Variants in FGGY observed in about 807,000 individuals in gnomAD.
The protein encoded by FGGY is FGGY carbohydrate kinase domain containing.
FGGY carries 72 observed loss-of-function variants against 71.3 expected under a neutral mutation model. That is an observed-to-expected ratio of 1.01 (90% CI 0.84 to 1.23). FGGY has a LOEUF of 1.23. Ranked by LOEUF, FGGY falls within the 50% of genes most tolerant of loss-of-function variation. FGGY has a pLI of 0.00. For synonymous variants in FGGY, 251 were observed against 250.3 expected, an observed-to-expected ratio of 1.00 and a Z score of -0.02; for missense variants, 668 against 682.3, an observed-to-expected ratio of 0.98 and a Z score of 0.23.
intron 6 of FGGY, among the ~76,000 whole-genome samples, chr1:59,475,371 TA>T (rs975618694): frequency 5.9e-5 from 9 of 151,978 alleles, no homozygotes; most frequent in East Asian, 3.9e-4. Flanking sequence ...CACAGGCAAA[TA>T]AAAAAAATAC....
intron 5 of FGGY, among the ~76,000 whole-genome samples, chr1:59,448,411 A>G (rs2071823068): frequency 6.6e-6 from 1 of 152,112 alleles, no homozygotes; most frequent in Non-Finnish European, 1.5e-5. Flanking sequence ...GAGGTAGGCA[A>G]AACCAGGAGA....
At chr1:59,314,149 T>G (rs1195849932) in intron 1 of FGGY, among the ~76,000 whole-genome samples, 4 of 152,172 alleles carry the variant, frequency 2.6e-5, no homozygotes, top group Non-Finnish European at 5.9e-5. Context: ...GTATTTTTAG[T>G]AGAGACGGGG....
intron 10 of FGGY, among the ~76,000 whole-genome samples, chr1:59,629,679 G>C (rs1009673707): frequency 6.6e-6 from 1 of 152,006 alleles, no homozygotes; most frequent in African/African-American, 2.4e-5. Flanking sequence ...TTTCTTAAAG[G>C]GTTTAAGCAT....
In FGGY at chr1:59,497,536, C is replaced by T. The variant is rs186577984; in HGVS notation, c.671-14775C>T. 1.2e-4 allele frequency among the ~76,000 whole-genome samples: 18 copies of T among 152,262 alleles called. 1 individual carries two copies. In the East Asian group the frequency reaches 3.3e-3, roughly 28 times the overall value. ...CCAGGAGGCAGAGGTTGCAGTAAGC[C>T]GAGATCATGCCACTACACTCCAGCC... On this transcript the variant is annotated intron_variant, in intron 6 of 15. Coordinates refer to ENST00000303721, the MANE Select transcript of FGGY (RefSeq NM_018291.5).
intron 6 of FGGY, among the ~76,000 whole-genome samples, chr1:59,493,686 C>G (rs1442064863): frequency 1.3e-5 from 2 of 151,956 alleles, no homozygotes; most frequent in Non-Finnish European, 2.9e-5. Context: ...TTCAGTTTTG[C>G]AAGATGAAAA....
chr1:59,357,678 C>CCAAATCTAT (rs1317914252), intron 4 of FGGY, among the ~76,000 whole-genome samples: 1 of 152,156 alleles, frequency 6.6e-6, no homozygotes, highest in Admixed American at 6.5e-5. Flanking sequence ...AAAGCAGGGA[C>CCAAATCTAT]CAAATCTATC....
At chr1:59,612,032 C>T (rs1435429124) in intron 9 of FGGY, among the ~76,000 whole-genome samples, 1 of 152,146 alleles carries the variant, frequency 6.6e-6, no homozygotes, top group Non-Finnish European at 1.5e-5. Flanking sequence ...ATTAGTGTAC[C>T]TGAAAGTGAC....
intron 7 of FGGY, among the ~76,000 whole-genome samples, chr1:59,550,061 T>C (rs1391052484): frequency 6.6e-6 from 1 of 152,230 alleles, no homozygotes; most frequent in Non-Finnish European, 1.5e-5. Context: ...TTGGGCATTG[T>C]GCAAGTTTCA....
At chr1:59,721,484 G>A (rs762636787) in intron 14 of FGGY, among the ~76,000 whole-genome samples, 42 of 151,626 alleles carry the variant, frequency 2.8e-4, no homozygotes, top group African/African-American at 6.5e-4. Flanking sequence ...GAGTACAGGC[G>A]TGCACCACCA....
At chr1:59,454,264 C>T (rs574369004) in intron 5 of FGGY, among the ~76,000 whole-genome samples, 2 of 152,172 alleles carry the variant, frequency 1.3e-5, no homozygotes, top group Non-Finnish European at 2.9e-5. Context: ...AACAATCCTT[C>T]TATACTGCCT....
intron 13 of FGGY, among the ~76,000 whole-genome samples, chr1:59,672,659 T>A (rs996086505): frequency 6.6e-6 from 1 of 152,152 alleles, no homozygotes; most frequent in East Asian, 1.9e-4. Flanking sequence ...CTGCCCTTTT[T>A]CTCTGGGTAG....
At chr1:59,727,785 T>C (rs2097966323) in intron 14 of FGGY, among the ~76,000 whole-genome samples, 1 of 152,140 alleles carries the variant, frequency 6.6e-6, no homozygotes, top group African/African-American at 2.4e-5. Flanking sequence ...TCACAATACC[T>C]GTCTTCTGCT....
At chr1:59,474,993 T>C (rs1184079249) in intron 6 of FGGY, among the ~76,000 whole-genome samples, 1 of 152,214 alleles carries the variant, frequency 6.6e-6, no homozygotes, top group African/African-American at 2.4e-5. Flanking sequence ...ATACAATAGG[T>C]CTTCAGAAAA....
intron 8 of FGGY, among the ~76,000 whole-genome samples, chr1:59,600,866 C>T (rs2096570414): frequency 1.3e-5 from 2 of 152,162 alleles, no homozygotes; most frequent in Non-Finnish European, 2.9e-5. Context: ...TAAGATATGG[C>T]TCCTCACTAT....
intron 14 of FGGY, among the ~76,000 whole-genome samples, chr1:59,719,477 A>G (rs909557348): frequency 1.3e-5 from 2 of 152,326 alleles, no homozygotes; most frequent in African/African-American, 2.4e-5. Flanking sequence ...ATTCTGTGAA[A>G]TGATATATGT....
At chr1:59,690,004 G>A (rs1179132208) in intron 14 of FGGY, among the ~76,000 whole-genome samples, 1 of 152,188 alleles carries the variant, frequency 6.6e-6, no homozygotes, top group South Asian at 2.1e-4. Flanking sequence ...CTGATGAAGA[G>A]GGATCTTGAC....
intron 14 of FGGY, among the ~76,000 whole-genome samples, chr1:59,748,109 A>G (rs1028976683): frequency 2.0e-5 from 3 of 152,184 alleles, no homozygotes; most frequent in Admixed American, 6.5e-5. Context: ...GGCATTCAAT[A>G]AACTTGCACT....
At chr1:59,666,194 C>T (rs902271103) in intron 12 of FGGY, among the ~76,000 whole-genome samples, 1 of 152,054 alleles carries the variant, frequency 6.6e-6, no homozygotes, top group Non-Finnish European at 1.5e-5. Flanking sequence ...TCTGACTTCT[C>T]TTCCCTCCTT....
At chr1:59,396,824 G>T (rs1193763537) in intron 5 of FGGY, among the ~76,000 whole-genome samples, 4 of 152,166 alleles carry the variant, frequency 2.6e-5, no homozygotes, top group Non-Finnish European at 4.4e-5. Context: ...ATTCATGCTT[G>T]TTGTATCTAT....
Sources: gnomAD v4.1 joint callset for allele counts (sites outside exome capture counted in the v4.1 genomes callset) on GRCh38, gnomAD v4.1.1 for gene constraint, MANE v1.5 for transcripts, NCBI Gene and HGNC (gene_info 2026-07-23, HGNC 2026-07-21) for gene names.